The following ATF3 variants were observed in gnomAD, a reference collection of about 807,000 sequenced individuals.
ATF3 encodes cyclic AMP-dependent transcription factor ATF-3.
ATF3 carries 10 observed loss-of-function variants against 18.4 expected under a neutral mutation model. That is an observed-to-expected ratio of 0.54 (90% CI 0.34 to 0.92). The LOEUF (loss-of-function observed/expected upper bound fraction) is 0.92, where lower values mean the gene tolerates loss of function less well. Ranked by LOEUF, ATF3 falls within the 40% of genes least tolerant of loss-of-function variation. The pLI is 0.02. For synonymous variants in ATF3, 78 were observed against 87.9 expected (o/e 0.89, Z 0.63); for missense variants, 183 against 222.3 (o/e 0.82, Z 1.12).
chr1:212,571,038 C>T (rs976933886), intron 1 of ATF3, among the ~76,000 whole-genome samples: 2 of 152,098 alleles, frequency 1.3e-5, no homozygotes, highest in African/African-American at 4.8e-5. Flanking sequence ...AAGAAACTAC[C>T]AGCCTTTTCT....
chr1:212,601,350 G>A (rs1654480397), intron 1 of ATF3, among the ~76,000 whole-genome samples: 3 of 152,330 alleles, frequency 2.0e-5, no homozygotes, highest in South Asian at 4.1e-4. Flanking sequence ...TCAGGAGTAA[G>A]AATTTTCTGG....
At chr1:212,610,805 TC>T (rs1654863793) in intron 1 of ATF3, among the ~76,000 whole-genome samples, 1 of 152,164 alleles carries the variant, frequency 6.6e-6, no homozygotes, top group Non-Finnish European at 1.5e-5. Context: ...TGTTGGTTGA[TC>T]CCTTGAGGCG....
chr1:212,586,497 T>C (rs1040772277), intron 1 of ATF3, among the ~76,000 whole-genome samples: 2 of 152,216 alleles, frequency 1.3e-5, no homozygotes, highest in African/African-American at 2.4e-5. Context: ...CAGTGAGCAC[T>C]AAAGGAGTAT....
At chr1:212,567,690 T>C (rs935710879) in intron 1 of ATF3, among the ~76,000 whole-genome samples, 32 of 152,340 alleles carry the variant, frequency 2.1e-4, no homozygotes, top group African/African-American at 7.2e-4. Flanking sequence ...ATAATAATAG[T>C]CTAAGGTTGT....
At chr1:212,572,096 C>A (rs1210074584) in intron 1 of ATF3, among the ~76,000 whole-genome samples, 1 of 152,162 alleles carries the variant, frequency 6.6e-6, no homozygotes, top group Admixed American at 6.5e-5. Context: ...AATATCTATT[C>A]TATGTCTTGA....
At position 212,601,869 on chromosome 1, in the gene ATF3, G is replaced by A. The variant is rs73077750; in HGVS notation, c.-4-13149G>A. Among the ~76,000 whole-genome samples, 1,170 of 152,164 alleles carry A rather than the reference G, an allele frequency of 7.7e-3. 13 individuals are homozygous for A. Among genetic ancestry groups the A allele is most frequent in the African/African-American group, 0.027 (1,101 of 41,498 alleles). ...TAGCTTCAAGGGTAAGGCGTGAAGA[G>A]GGAAAAAAGCAATATTTATTGAATG... On this transcript the variant is annotated intron_variant, in intron 1 of 3. Transcript: ENST00000366981.
At chr1:212,584,991 C>T (rs1664751301) in intron 1 of ATF3, among the ~76,000 whole-genome samples, 2 of 152,154 alleles carry the variant, frequency 1.3e-5, no homozygotes, top group Non-Finnish European at 2.9e-5. Context: ...ATTCTCCAGC[C>T]CTGTGATCAC....
rs185390691 is a variant in ATF3, at chr1:212,570,701, A to G, written c.-5+5218A>G. Among the ~76,000 whole-genome samples, 85 of 152,300 alleles carry G rather than the reference A, an allele frequency of 5.6e-4. 1 individual carries two copies. The highest frequency in any genetic ancestry group is 3.4e-3 in the Middle Eastern group (1 of 292). On this transcript the variant is annotated intron_variant, in intron 1 of 3. Transcript: ENST00000366981. ...AGTTTGGTCTGTTTTTGACCTTTAT[A>G]TGGAATGGAGTCACACAGCATGAAC...
At chr1:212,598,242 C>A (rs72756370) in intron 1 of ATF3, among the ~76,000 whole-genome samples, 1 of 151,848 alleles carries the variant, frequency 6.6e-6, no homozygotes, top group Non-Finnish European at 1.5e-5. Context: ...CCTTATTCTA[C>A]GTATTTTGTT....
chr1:212,607,286 G>T (rs964093548), upstream of ATF3, among the ~76,000 whole-genome samples: 1 of 152,196 alleles, frequency 6.6e-6, no homozygotes, highest in African/African-American at 2.4e-5. Context: ...GAGGCAGGTG[G>T]AAAGGAGCAG....
chr1:212,612,092 G>A (rs1019687791), intron 1 of ATF3, among the ~76,000 whole-genome samples: 1 of 152,200 alleles, frequency 6.6e-6, no homozygotes, highest in Admixed American at 6.5e-5. Context: ...AAAGTATCCC[G>A]AGAAGTTAAG....
At chr1:212,579,388 A>G (rs1664639508) in intron 1 of ATF3, among the ~76,000 whole-genome samples, 1 of 152,132 alleles carries the variant, frequency 6.6e-6, no homozygotes, top group Admixed American at 6.6e-5. Context: ...AACTCTAAGC[A>G]CCACAAAGAG....
At chr1:212,571,806 G>T (rs1446022971) in intron 1 of ATF3, among the ~76,000 whole-genome samples, 2 of 151,594 alleles carry the variant, frequency 1.3e-5, no homozygotes. Flanking sequence ...CCGCCTCCCG[G>T]GTTCACGCCA....
chr1:212,619,302 C>A lies in ATF3; in HGVS notation c.349-56C>A. 6.2e-7 allele frequency: 1 copy of A among 1,611,966 alleles called. No individual in the cohort carries two copies. The highest frequency in any genetic ancestry group is 1.3e-5 in the African/African-American group (1 of 74,974). ...GCATCCAGGCAGCAGCCCAGGCCAC[C>A]CCCTCCTCACTGGCCCTTGGCTCCT... On this transcript the variant is annotated intron_variant, in intron 3 of 3. Coordinates refer to ENST00000341491, the MANE Select transcript of ATF3 (RefSeq NM_001674.4). The surrounding 1 kb of genome is among the most constrained non-coding windows in gnomAD (Gnocchi z 4.4).
Position 212,575,286 on chromosome 1 carries a change from G to A in ATF3, c.-5+9803G>A, listed in dbSNP as rs553368564. On this transcript the variant is annotated intron_variant, in intron 1 of 3. Coordinates refer to the ATF3 transcript ENST00000366981. ...ATACCTTTTAACAAATTTATTTCTA[G>A]GTGCCATGTAATTTCTGTTACTATT... is the stretch of plus-strand genomic sequence containing the variant. 4.0e-5 allele frequency among the ~76,000 whole-genome samples: 6 copies of A among 151,884 alleles called. 2 individuals carry two copies. Among genetic ancestry groups the A allele is most frequent in the African/African-American group, 1.4e-4 (6 of 41,422 alleles).
intron 1 of ATF3, among the ~76,000 whole-genome samples, chr1:212,614,421 C>T (rs1487490778): frequency 6.6e-6 from 1 of 152,122 alleles, no homozygotes; most frequent in Non-Finnish European, 1.5e-5. Flanking sequence ...ATTCCCATTG[C>T]TTGGGCCCAA....
chr1:212,586,593 A>G lies in ATF3; in HGVS notation c.-5+21110A>G, dbSNP rs1312763751. Among the ~76,000 whole-genome samples, 2 of 152,324 alleles carry G rather than the reference A, an allele frequency of 1.3e-5. 1 individual carries two copies. Among genetic ancestry groups the G allele is most frequent in the East Asian group, 3.9e-4 (2 of 5,182 alleles). On this transcript the variant is annotated intron_variant, in intron 1 of 3. Transcript: ENST00000366981. The stretch of plus-strand genomic sequence containing the variant: ...CCTGAATAACTTTGGAGAAAGTGCC[A>G]AAGAACTTCATTTGGTGAGAATTTC...
intron 1 of ATF3, among the ~76,000 whole-genome samples, chr1:212,592,182 C>G (rs1664900290): frequency 1.3e-5 from 2 of 152,126 alleles, no homozygotes; most frequent in Non-Finnish European, 2.9e-5. Context: ...CCCCTAGTAA[C>G]CACTATTCTA....
chr1:212,599,829 T>G (rs1426014404), intron 1 of ATF3, among the ~76,000 whole-genome samples: 1 of 152,154 alleles, frequency 6.6e-6, no homozygotes, highest in African/African-American at 2.4e-5. Flanking sequence ...GATGTCTGCC[T>G]AGAAGTTTCC....
Sources: gnomAD v4.1 joint callset for allele counts (sites outside exome capture counted in the v4.1 genomes callset) on GRCh38, gnomAD v4.1.1 for gene constraint, Gnocchi (gnomAD v3.1) non-coding constraint, MANE v1.5 for transcripts, NCBI Gene and HGNC (gene_info 2026-07-23, HGNC 2026-07-21) for gene names.